The following ACTG2 variants were observed in gnomAD, a reference collection of about 807,000 sequenced individuals.
ACTG2 encodes the protein actin gamma 2, smooth muscle, also known as actin, gamma-enteric smooth muscle.
In ACTG2, 16 loss-of-function variants were observed where a neutral mutation model predicts 37.6. The ratio of observed to expected loss-of-function variants is 0.43; its 90% CI spans 0.29 to 0.65. The LOEUF (loss-of-function observed/expected upper bound fraction) is 0.65, where lower values mean the gene tolerates loss of function less well. Among genes scored for constraint, ACTG2 ranks in the 30% least tolerant of loss-of-function variants. ACTG2 has a pLI of 0.18. For missense variants in ACTG2, 238 were observed against 490.9 expected, an observed-to-expected ratio of 0.48 and a Z score of 4.87; for synonymous variants, 181 against 179.9, an observed-to-expected ratio of 1.01 and a Z score of -0.05.
chr2:73,896,500 G>A (rs541460418), intron 1 of ACTG2, among the ~76,000 whole-genome samples: 10 of 152,212 alleles, frequency 6.6e-5, no homozygotes, highest in South Asian at 6.2e-4. Context: ...ATGTTCTAGC[G>A]GAGGAAACTA....
intron 6 of ACTG2, 121 bp from the exon 7 acceptor site, chr2:73,914,558 CA>C (rs59417466): frequency 0.12 from 61,150 of 509,016 alleles, 232 homozygotes; most frequent in East Asian, 0.2. Context: ...GACTCTGTCT[CA>C]AAAAAAAAAA....
Sources: gnomAD v4.1 joint callset for allele counts (sites outside exome capture counted in the v4.1 genomes callset) on GRCh38, gnomAD v4.1.1 for gene constraint, MANE v1.5 for transcripts, NCBI Gene and HGNC (gene_info 2026-07-23, HGNC 2026-07-21) for gene names.